SNX29: variants seen among roughly 807,000 people sequenced by gnomAD.
The protein encoded by SNX29 is sorting nexin 29.
A neutral mutation model predicts 102.1 loss-of-function variants in SNX29; 78 were observed. That is an observed-to-expected ratio of 0.76 (90% CI 0.64 to 0.92). The LOEUF is 0.92. Ranked by LOEUF, SNX29 falls within the 40% of genes least tolerant of loss-of-function variation. The pLI, the probability that SNX29 is intolerant of heterozygous loss-of-function variation, is 0.00. For synonymous variants in SNX29, 580 were observed against 414.5 expected, an observed-to-expected ratio of 1.40 and a Z score of -4.85; for missense variants, 1,280 against 1,061.7, an observed-to-expected ratio of 1.21 and a Z score of -2.86.
chr16:12,085,304 G>T (rs2052111105), intron 11 of SNX29, among the ~76,000 whole-genome samples: 2 of 152,128 alleles, frequency 1.3e-5, no homozygotes, highest in South Asian at 4.1e-4. Context: ...ATTTGTTTTG[G>T]AGGCCCCATA....
chr16:12,513,841 G>T (rs1478953461), intron 19 of SNX29, among the ~76,000 whole-genome samples: 2 of 152,230 alleles, frequency 1.3e-5, no homozygotes, highest in Non-Finnish European at 2.9e-5. Flanking sequence ...CGCTATGAGG[G>T]CCACCATGCC....
At chr16:12,461,978 A>ATATATATAT (rs869301507) in intron 18 of SNX29, among the ~76,000 whole-genome samples, 3 of 27,346 alleles carry the variant, frequency 1.1e-4, no homozygotes, top group Non-Finnish European at 1.9e-4. Context: ...AAAAAAAAAA[A>ATATATATAT]ATATATATAT....
chr16:12,550,782 C>T (rs573341985), intron 20 of SNX29, among the ~76,000 whole-genome samples: 2 of 143,010 alleles, frequency 1.4e-5, no homozygotes, highest in Non-Finnish European at 3.0e-5. Flanking sequence ...GGCTGAATAG[C>T]TGAGATAAGG....
intron 19 of SNX29, among the ~76,000 whole-genome samples, chr16:12,495,155 T>G (rs962349644): frequency 1.3e-5 from 2 of 151,874 alleles, no homozygotes; most frequent in African/African-American, 4.8e-5. Context: ...AATTCTTTCG[T>G]TTTCTTTTTT....
chr16:12,463,170 G>C (rs76313676), intron 18 of SNX29, among the ~76,000 whole-genome samples: 26,623 of 152,170 alleles, frequency 0.17, 2,400 homozygotes, highest in Middle Eastern at 0.23. Flanking sequence ...TCTGACTTGG[G>C]GTGGAGGCGG....
At chr16:12,293,929 T>A (rs1216293687) in intron 15 of SNX29, among the ~76,000 whole-genome samples, 1 of 152,210 alleles carries the variant, frequency 6.6e-6, no homozygotes, top group Non-Finnish European at 1.5e-5. Flanking sequence ...CTACTCTGTG[T>A]GGCGGTATTA....
chr16:12,073,083 C>T (rs1456237908), intron 10 of SNX29, among the ~76,000 whole-genome samples: 3 of 151,938 alleles, frequency 2.0e-5, no homozygotes, highest in South Asian at 2.1e-4. Context: ...GTCTTGCTAA[C>T]GGTCTATCAA....
At chr16:11,990,049 G>A (rs866232960) in intron 1 of SNX29, among the ~76,000 whole-genome samples, 90 of 152,208 alleles carry the variant, frequency 5.9e-4, no homozygotes, top group African/African-American at 1.8e-3. Flanking sequence ...TTGGGTAAAT[G>A]ATCAATGTCT....
At chr16:12,262,295 G>A (rs1175135963) in intron 14 of SNX29, among the ~76,000 whole-genome samples, 1 of 152,178 alleles carries the variant, frequency 6.6e-6, no homozygotes, top group East Asian at 1.9e-4. Flanking sequence ...GGAGACCCAG[G>A]CTCTAGGAAG....
rs972377650 is a variant in SNX29, at chr16:12,207,661, C to G, written c.1678+7978C>G. ...CTCATCCAGTCTCCTTTCCTAGAAA[C>G]TCCGCTTCCCTTATGCTTGCTCAGG... On this transcript the variant is annotated intron_variant, in intron 14 of 20. Coordinates refer to ENST00000566228, the MANE Select transcript of SNX29 (RefSeq NM_032167.5). 2.0e-5 allele frequency among the ~76,000 whole-genome samples: 3 copies of G among 152,176 alleles called. No homozygotes were observed. The East Asian group carries it at 5.8e-4, about 29-fold the overall frequency.
chr16:12,233,606 C>T (rs555480247), intron 14 of SNX29, among the ~76,000 whole-genome samples: 2 of 152,218 alleles, frequency 1.3e-5, no homozygotes, highest in South Asian at 4.1e-4. Flanking sequence ...AAAAAAACCA[C>T]ACAAACAACT....
chr16:12,448,295 C>G (rs1266538251), intron 18 of SNX29, among the ~76,000 whole-genome samples: 1 of 152,114 alleles, frequency 6.6e-6, no homozygotes, highest in African/African-American at 2.4e-5. Flanking sequence ...TCCCTGAATC[C>G]CCTTCCTCAG....
chr16:12,128,521 C>T (rs59875018), intron 12 of SNX29, among the ~76,000 whole-genome samples: 30,052 of 144,530 alleles, frequency 0.21, 3,750 homozygotes, highest in African/African-American at 0.37. Flanking sequence ...GGTGTGATCT[C>T]GGCTCACTGC....
chr16:12,218,496 A>G (rs946956946), intron 14 of SNX29, among the ~76,000 whole-genome samples: 2 of 152,198 alleles, frequency 1.3e-5, no homozygotes, highest in African/African-American at 2.4e-5. Context: ...GAGCTATAAC[A>G]CAAGAGTTGA....
intron 20 of SNX29, among the ~76,000 whole-genome samples, chr16:12,548,596 C>A (rs992117183): frequency 6.6e-6 from 1 of 152,134 alleles, no homozygotes; most frequent in South Asian, 2.1e-4. Flanking sequence ...CACTCCAGGC[C>A]CGGGTACTCT....
chr16:12,533,286 C>T (rs1290183659), intron 20 of SNX29, among the ~76,000 whole-genome samples: 1 of 152,258 alleles, frequency 6.6e-6, no homozygotes, highest in Non-Finnish European at 1.5e-5. Context: ...TAGCAGCTTC[C>T]TGGAAAGTCA....
chr16:12,452,242 G>C (rs892980967), intron 18 of SNX29, among the ~76,000 whole-genome samples: 1 of 152,188 alleles, frequency 6.6e-6, no homozygotes, highest in Non-Finnish European at 1.5e-5. Flanking sequence ...TTGTCCCTAC[G>C]GGGACATTTG....
At chr16:12,310,517 G>GA (rs879421432) in intron 15 of SNX29, among the ~76,000 whole-genome samples, 3,122 of 135,048 alleles carry the variant, frequency 0.023, 115 homozygotes, top group African/African-American at 0.075. Flanking sequence ...TGTGCCAAGT[G>GA]AAAAAAAAAA....
At chr16:12,519,815 C>T (rs749939384) in intron 19 of SNX29, among the ~76,000 whole-genome samples, 1 of 152,038 alleles carries the variant, frequency 6.6e-6, no homozygotes, top group Non-Finnish European at 1.5e-5. Context: ...CGAGACCAGC[C>T]TGGCCAACAT....
Sources: allele counts gnomAD v4.1 joint callset (sites outside exome capture counted in the v4.1 genomes callset), GRCh38; gene constraint gnomAD v4.1.1; transcripts MANE v1.5; gene names NCBI Gene and HGNC (gene_info 2026-07-23, HGNC 2026-07-21).